Variants in R3HDM2 observed in about 807,000 individuals in gnomAD.
R3HDM2 encodes the protein R3H domain containing 2.
Under a neutral mutation model 124.5 loss-of-function variants are expected in R3HDM2, and 38 were observed. The ratio of observed to expected loss-of-function variants is 0.31; its 90% CI spans 0.24 to 0.40. The LOEUF is 0.40. Among genes scored for constraint, R3HDM2 ranks in the 10% least tolerant of loss-of-function variants. R3HDM2 has a pLI of 1.00. For missense variants in R3HDM2, 869 were observed against 1,236.9 expected, an observed-to-expected ratio of 0.70 and a Z score of 4.46; for synonymous variants, 391 against 448.0, an observed-to-expected ratio of 0.87 and a Z score of 1.61.
chr12:57,308,326 G>C (rs1337076164), intron 3 of R3HDM2, among the ~76,000 whole-genome samples: 1 of 151,880 alleles, frequency 6.6e-6, no homozygotes, highest in Non-Finnish European at 1.5e-5. Flanking sequence ...AAAGTGCTGG[G>C]ATTATAGGCA....
chr12:57,364,591 T>C (rs1169797552), intron 2 of R3HDM2, among the ~76,000 whole-genome samples: 1 of 152,092 alleles, frequency 6.6e-6, no homozygotes, highest in Non-Finnish European at 1.5e-5. Flanking sequence ...TGTGTCCTCA[T>C]ATGATCTTTG....
intron 2 of R3HDM2, among the ~76,000 whole-genome samples, chr12:57,336,578 C>A (rs1202799645): frequency 6.6e-6 from 1 of 152,062 alleles, no homozygotes; most frequent in East Asian, 1.9e-4. Context: ...AAACCAAATA[C>A]CGCATGTTAT....
At chr12:57,388,570 T>C (rs573910642) in intron 2 of R3HDM2, among the ~76,000 whole-genome samples, 1 of 152,218 alleles carries the variant, frequency 6.6e-6, no homozygotes, top group East Asian at 1.9e-4. Context: ...AATGTCAAGG[T>C]TGCAGTGAGC....
rs184543028 is a variant in R3HDM2 at position 57,412,198 on chromosome 12, G to A, written c.-105-16380C>T. ...ATATGAGTTCTAGATTGTATTCACA[G>A]ATCAATATGTAAAATATATATGCAG... is the stretch of plus-strand genomic sequence containing the variant. On this transcript the variant is annotated intron_variant, in intron 1 of 23. Transcript: ENST00000402412. Among the ~76,000 whole-genome samples, 98 of 152,242 alleles carry A rather than the reference G, an allele frequency of 6.4e-4. 1 individual carries two copies. The highest frequency in any genetic ancestry group is 2.3e-3 in the African/African-American group (96 of 41,540).
chr12:57,393,114 T>TC (rs1184240533), intron 2 of R3HDM2, among the ~76,000 whole-genome samples: 20 of 149,206 alleles, frequency 1.3e-4, no homozygotes, highest in Admixed American at 3.3e-4. Flanking sequence ...TTTTTTTTTT[T>TC]TTTTCTTCAG....
At chr12:57,274,947 C>T (rs1220675983) in intron 14 of R3HDM2, among the ~76,000 whole-genome samples, 1 of 151,882 alleles carries the variant, frequency 6.6e-6, no homozygotes, top group African/African-American at 2.4e-5. Context: ...CATCATTCTT[C>T]GCAGAATTAC....
chr12:57,295,544 C>CA (rs1167248841), intron 9 of R3HDM2, 37 bp from the exon 10 acceptor site: 1 of 1,456,930 alleles, frequency 6.9e-7, no homozygotes, highest in South Asian at 1.2e-5. Context: ...GAAAGGAGGA[C>CA]AAAGACCGTT....
At chr12:57,411,698 CAAGACT>C (rs924970328) in intron 1 of R3HDM2, among the ~76,000 whole-genome samples, 21 of 152,284 alleles carry the variant, frequency 1.4e-4, no homozygotes, top group African/African-American at 5.1e-4. Context: ...ATCCCAATTC[CAAGACT>C]AATACTATTT....
chr12:57,346,904 G>C (rs2060143441), intron 2 of R3HDM2, among the ~76,000 whole-genome samples: 1 of 152,062 alleles, frequency 6.6e-6, no homozygotes, highest in South Asian at 2.1e-4. Context: ...TGGTGGTAAG[G>C]TTTCAAGACT....
intron 1 of R3HDM2, among the ~76,000 whole-genome samples, chr12:57,414,038 C>T (rs1032185565): frequency 1.3e-5 from 2 of 150,352 alleles, no homozygotes; most frequent in Non-Finnish European, 3.0e-5. Flanking sequence ...TAGTAGAGAG[C>T]GGGTTTCATC....
chr12:57,254,501 CAAAAAAAA>C lies in R3HDM2; in HGVS notation c.*264_*271del, dbSNP rs67514723. ...GGGTGACAAGAGCGAAACTCCGTCT[CAAAAAAAA>C]AAAAAAAAAAAAAAAGAAGAGGATG... is the stretch of plus-strand genomic sequence containing the variant. On this transcript the variant is annotated 3_prime_UTR_variant, in exon 24 of 24. Coordinates refer to ENST00000402412, the MANE Select transcript of R3HDM2 (RefSeq NM_001394031.1). 30 of 102,048 alleles carry C rather than the reference CAAAAAAAA, an allele frequency of 2.9e-4. No individual in the cohort carries two copies. Among genetic ancestry groups the C allele is most frequent in the African/African-American group, 1.4e-3 (21 of 15,510 alleles). 6.3% of individuals were successfully genotyped at this position (102,048 alleles called of 1,614,324 possible).
intron 1 of R3HDM2, among the ~76,000 whole-genome samples, chr12:57,413,822 GA>G (rs2069248567): frequency 6.7e-6 from 1 of 149,512 alleles, no homozygotes; most frequent in Non-Finnish European, 1.5e-5. Context: ...AAGACACAGA[GA>G]GTCTTAGATC....
At chr12:57,370,694 A>G (rs1246758310) in intron 2 of R3HDM2, among the ~76,000 whole-genome samples, 1 of 152,170 alleles carries the variant, frequency 6.6e-6, no homozygotes, top group Non-Finnish European at 1.5e-5. Flanking sequence ...ACCCAGTCTC[A>G]GGTAGTATGT....
chr12:57,292,521 T>A, intron 11 of R3HDM2, 51 bp downstream of exon 11: 5 of 1,270,394 alleles, frequency 3.9e-6, no homozygotes, highest in Non-Finnish European at 5.6e-6. Context: ...ACAGTTCCAA[T>A]GATTAAGAGC....
intron 2 of R3HDM2, 115 bp downstream of exon 2, chr12:57,395,634 G>C: frequency 3.3e-6 from 1 of 305,882 alleles, no homozygotes. Flanking sequence ...CTACTAAATG[G>C]GTACAATAAC....
intron 7 of R3HDM2, 48 bp from the exon 8 acceptor site, chr12:57,297,435 CTCCCATAGACATT>C (rs1474470026): frequency 9.2e-6 from 11 of 1,192,706 alleles, no homozygotes; most frequent in Non-Finnish European, 1.3e-5. Context: ...AAAAGCAGCC[CTCCCATAGACATT>C]GAAAGTGGGG....
intron 2 of R3HDM2, among the ~76,000 whole-genome samples, chr12:57,321,906 G>A (rs2056514363): frequency 6.6e-6 from 1 of 152,168 alleles, no homozygotes; most frequent in Admixed American, 6.5e-5. Flanking sequence ...ATTTGATGCA[G>A]TGGTTACATG....
intron 2 of R3HDM2, among the ~76,000 whole-genome samples, chr12:57,381,528 G>C (rs1160647812): frequency 1.1e-5 from 1 of 91,568 alleles, no homozygotes; most frequent in African/African-American, 4.3e-5. Flanking sequence ...CTGGGCGACA[G>C]AACAAGACTC....
chr12:57,353,275 C>A (rs145992652), intron 2 of R3HDM2, among the ~76,000 whole-genome samples: 1 of 151,624 alleles, frequency 6.6e-6, no homozygotes. Context: ...AATTACAAAC[C>A]AAAAAGAAAA....
Sources: gnomAD v4.1 joint callset for allele counts (sites outside exome capture counted in the v4.1 genomes callset) on GRCh38, gnomAD v4.1.1 for gene constraint, MANE v1.5 for transcripts, NCBI Gene and HGNC (gene_info 2026-07-23, HGNC 2026-07-21) for gene names.